The following FAT1 variants were observed in gnomAD, a reference collection of about 807,000 sequenced individuals.
FAT1 encodes FAT atypical cadherin 1.
In FAT1, 171 loss-of-function variants were observed where a neutral mutation model predicts 329.8. The ratio of observed to expected loss-of-function variants is 0.52; its 90% CI spans 0.46 to 0.59. The LOEUF (loss-of-function observed/expected upper bound fraction) is 0.59, where lower values mean the gene tolerates loss of function less well. FAT1 is among the 20% of genes least tolerant of loss of function. The probability of loss-of-function intolerance (pLI) is 0.00; values close to 1 mark genes in which losing one functional copy is unlikely to be tolerated. For synonymous variants in FAT1, 2,233 were observed against 2,228.6 expected (o/e 1.00, Z -0.06); for missense variants, 5,672 against 5,774.4 (o/e 0.98, Z 0.57).
At chr4:186,636,498 T>C (rs529536551) in intron 5 of FAT1, 87 bp downstream of exon 5, 49 of 1,372,244 alleles carry the variant, frequency 3.6e-5, no homozygotes, top group Middle Eastern at 3.8e-4. Context: ...GTTTACAAAA[T>C]AGAAATAAAG....
chr4:186,686,027 C>G (rs1009559379), intron 2 of FAT1, among the ~76,000 whole-genome samples: 1 of 152,218 alleles, frequency 6.6e-6, no homozygotes, highest in African/African-American at 2.4e-5. Flanking sequence ...ACTCAAATAT[C>G]TATGGGCAGT....
At position 186,601,311 on chromosome 4, in the gene FAT1, C is replaced by T. The variant is rs755251941; in HGVS notation, c.11598G>A (p.Ala3866=). 26 of 1,611,294 alleles carry T rather than the reference C, an allele frequency of 1.6e-5. No individual in the cohort carries two copies. The highest frequency in any genetic ancestry group is 6.6e-5 in the South Asian group (6 of 90,864). Residue 3866 remains alanine, a synonymous_variant, in exon 21 of 27, where the codon GCG becomes GCA. Coordinates refer to ENST00000441802, the MANE Select transcript of FAT1 (RefSeq NM_005245.4). ...TMRLRTYSTH[A]VVMYARGTDY... ...CAGTTCCTCGAGCATACATGACAAC[C>T]GCATGCGTGGAATATGTTCTGAGCC...
At chr4:186,661,783 A>T (rs1742182829) in intron 3 of FAT1, among the ~76,000 whole-genome samples, 1 of 152,066 alleles carries the variant, frequency 6.6e-6, no homozygotes, top group South Asian at 2.1e-4. Flanking sequence ...GTGGGTCAGG[A>T]GTTTCGGAGG....
chr4:186,667,082 T>C (rs546575585), intron 2 of FAT1, among the ~76,000 whole-genome samples: 1 of 152,366 alleles, frequency 6.6e-6, no homozygotes, highest in African/African-American at 2.4e-5. Flanking sequence ...ACACAATAGC[T>C]TTCTCTAATC....
intron 16 of FAT1, 66 bp downstream of exon 16, chr4:186,609,117 C>T: frequency 6.4e-7 from 1 of 1,567,802 alleles, no homozygotes; most frequent in Non-Finnish European, 8.7e-7. Context: ...CAGACAAGAG[C>T]ACAAGGCATT....
chr4:186,597,820 ACC>A (rs1738604509), intron 23 of FAT1, 28 bp from the exon 24 acceptor site: 1 of 1,596,128 alleles, frequency 6.3e-7, no homozygotes, highest in African/African-American at 1.3e-5. Context: ...ACAGACATAA[ACC>A]TCATGATCCT....
chr4:186,687,759 C>A (rs1743544178), intron 2 of FAT1, among the ~76,000 whole-genome samples: 1 of 152,182 alleles, frequency 6.6e-6, no homozygotes, highest in South Asian at 2.1e-4. Flanking sequence ...TGCTGGCACT[C>A]TATATTCTAA....
intron 2 of FAT1, among the ~76,000 whole-genome samples, chr4:186,687,586 T>C (rs1336546898): frequency 6.6e-6 from 1 of 152,154 alleles, no homozygotes; most frequent in East Asian, 1.9e-4. Flanking sequence ...ATCTGAAACT[T>C]TGGAGCACCA....
rs775259100 is a variant in FAT1 at position 186,611,452 on chromosome 4, C to T, written c.9787G>A (p.Ala3263Thr). 1.2e-6 allele frequency: 2 copies of T among 1,613,732 alleles called. No homozygotes were observed. The highest frequency in any genetic ancestry group is 2.7e-5 in the African/African-American group (2 of 74,890). Residue 3263 changes from alanine to threonine, a missense_variant, in exon 14 of 27, where the codon GCA becomes ACA. By Grantham distance (58) the Ala-to-Thr change is moderately conservative. This residue lies in a region of FAT1 where 1,706 missense variants were observed against 1,859.1 expected (regional missense o/e 0.92). Coordinates refer to ENST00000441802, the MANE Select transcript of FAT1 (RefSeq NM_005245.4). ...CTTATTATTGAGTAGGTGATTTCTG[C>T]ATTTGCTTCAATATCCCGACTTGCT... ...YAASRDIEAN[A>T]EITYSIISGN...
At chr4:186,590,454 C>G in intron 26 of FAT1, 3 of 1,240,372 alleles carry the variant, frequency 2.4e-6, no homozygotes, top group Non-Finnish European at 3.2e-6. Flanking sequence ...TTAAAACAGT[C>G]GGCTGAAAAG....
chr4:186,715,785 T>C (rs1745180997), intron 1 of FAT1, among the ~76,000 whole-genome samples: 1 of 152,074 alleles, frequency 6.6e-6, no homozygotes, highest in Non-Finnish European at 1.5e-5. Flanking sequence ...AAACAAAGAG[T>C]GTTTACTTAG....
rs73873680 is a variant in FAT1, at chr4:186,660,280, G to A, written c.3580+3019C>T. Among the ~76,000 whole-genome samples the A allele has an allele frequency of 6.2e-3, 945 of 152,274 alleles. 11 individuals carry two copies. Among genetic ancestry groups the A allele is most frequent in the African/African-American group, 0.022 (899 of 41,548 alleles). On this transcript the variant is annotated intron_variant, in intron 3 of 26. Transcript: ENST00000441802. ...AAGGTTGTAAGAAGACGAGGCATGT[G>A]TACTTCAGGCCCTGAGGATCACACC...
intron 2 of FAT1, among the ~76,000 whole-genome samples, chr4:186,673,986 GA>G (rs1742843822): frequency 6.6e-6 from 1 of 152,196 alleles, no homozygotes; most frequent in Non-Finnish European, 1.5e-5. Context: ...ACATCCACAA[GA>G]CAGCCTTCAG....
intron 18 of FAT1, 123 bp downstream of exon 18, chr4:186,604,254 C>T: frequency 1.2e-6 from 1 of 833,124 alleles, no homozygotes; most frequent in African/African-American, 1.7e-5. Flanking sequence ...AAAACAAAGA[C>T]AGCAATTCTA....
chr4:186,641,425 T>A (rs1396457108), intron 3 of FAT1, among the ~76,000 whole-genome samples: 1 of 152,136 alleles, frequency 6.6e-6, no homozygotes, highest in Non-Finnish European at 1.5e-5. Flanking sequence ...TGTACCATCC[T>A]CTCCTAACTG....
rs1739875995 is a variant in FAT1, at chr4:186,619,000, T to A, written c.7586A>T (p.Tyr2529Phe). 1.2e-6 allele frequency: 2 copies of A among 1,613,902 alleles called. No individual in the cohort carries two copies. Among genetic ancestry groups the A allele is most frequent in the South Asian group, 2.2e-5 (2 of 91,090 alleles). The change falls in exon 10 of 27, where the codon TAC (tyrosine) becomes TTC (phenylalanine). Residue 2529 changes from tyrosine to phenylalanine, a missense_variant. Physicochemically the swap from Tyr to Phe is conservative, Grantham distance 22. Coordinates refer to ENST00000441802, the MANE Select transcript of FAT1 (RefSeq NM_005245.4). ...GDSGIYGHVT[Y>F]HIVNDFAKDR... ...TTTGGCAAAGTCATTTACAATATGG[T>A]AAGTAACGTGACCATAAATACCAGA...
intron 17 of FAT1, 42 bp downstream of exon 17, chr4:186,606,028 A>G (rs2126446608): frequency 6.3e-7 from 1 of 1,582,304 alleles, no homozygotes; most frequent in Non-Finnish European, 8.6e-7. Flanking sequence ...GGAAAAGCTC[A>G]TTTCAAAGAA....
chr4:186,628,376 T>C lies in FAT1; in HGVS notation c.4600-12A>G, dbSNP rs546511172. 2 of 1,611,408 alleles carry C rather than the reference T, an allele frequency of 1.2e-6. No homozygotes were observed. Among genetic ancestry groups the C allele is most frequent in the Admixed American group, 3.4e-5 (2 of 59,652 alleles). ...TCTTGATCTCGTACCTAAAAAGAAT[T>C]GACACATTATCAATCCCATTGGTGC... is the stretch of plus-strand genomic sequence containing the variant. On this transcript the variant is annotated splice_polypyrimidine_tract_variant and intron_variant, in intron 8 of 26. Transcript: ENST00000441802.
In FAT1 at chr4:186,720,403, T is replaced by G. The variant is rs80303285; in HGVS notation, c.-19+3261A>C. Among the ~76,000 whole-genome samples, 723 of 152,336 alleles carry G rather than the reference T, an allele frequency of 4.7e-3. 4 individuals carry two copies. The highest frequency in any genetic ancestry group is 0.017 in the African/African-American group (698 of 41,556). On this transcript the variant is annotated intron_variant, in intron 1 of 26. Transcript: ENST00000441802. ...TAGACAAAAAAAAGAAGCCAATCCT[T>G]TTCCTAAGATAACATGGTACGGTGA...
Sources: allele counts gnomAD v4.1 joint callset (sites outside exome capture counted in the v4.1 genomes callset), GRCh38; gene constraint gnomAD v4.1.1; regional missense constraint gnomAD v4.1.1; transcripts MANE v1.5; gene names NCBI Gene and HGNC (gene_info 2026-07-23, HGNC 2026-07-21).